The following ZEB1 variants were observed in gnomAD, a reference collection of about 807,000 sequenced individuals.
ZEB1 encodes the protein zinc finger E-box-binding homeobox 1.
ZEB1 carries 21 observed loss-of-function variants against 84.9 expected under a neutral mutation model. The observed-to-expected ratio is 0.25, with a 90% CI of 0.18 to 0.36. ZEB1 has a LOEUF of 0.36. ZEB1 is among the 10% of genes least tolerant of loss of function. The probability of loss-of-function intolerance (pLI) is 1.00; values close to 1 mark genes in which losing one functional copy is unlikely to be tolerated. For synonymous variants in ZEB1, 420 were observed against 471.1 expected, an observed-to-expected ratio of 0.89 and a Z score of 1.41; for missense variants, 1,104 against 1,330.2, an observed-to-expected ratio of 0.83 and a Z score of 2.65.
chr10:31,446,177 C>T (rs1046076443), intron 1 of ZEB1, among the ~76,000 whole-genome samples: 3 of 152,216 alleles, frequency 2.0e-5, no homozygotes, highest in African/African-American at 7.2e-5. Context: ...GTATCCATCT[C>T]TCCTAGATTT....
intron 2 of ZEB1, among the ~76,000 whole-genome samples, chr10:31,468,451 G>C (rs2062719134): frequency 6.6e-6 from 1 of 152,138 alleles, no homozygotes; most frequent in African/African-American, 2.4e-5. Context: ...TTACCTGCAG[G>C]CATCACCTGC....
chr10:31,331,172 C>T (rs565973664), intron 1 of ZEB1, among the ~76,000 whole-genome samples: 8 of 148,136 alleles, frequency 5.4e-5, no homozygotes, highest in Non-Finnish European at 8.9e-5. Flanking sequence ...CTGCAACCTC[C>T]GCCTCCTGGG....
intron 1 of ZEB1, among the ~76,000 whole-genome samples, chr10:31,354,506 C>G (rs1441639839): frequency 6.6e-6 from 1 of 152,042 alleles, no homozygotes; most frequent in East Asian, 1.9e-4. Flanking sequence ...ATTCTGAATT[C>G]CTTTGGGCCA....
chr10:31,458,592 T>C (rs1302644751), intron 1 of ZEB1, among the ~76,000 whole-genome samples: 1 of 152,064 alleles, frequency 6.6e-6, no homozygotes, highest in African/African-American at 2.4e-5. Flanking sequence ...TGTATTGATA[T>C]ACTGAATAGA....
intron 2 of ZEB1, among the ~76,000 whole-genome samples, chr10:31,492,105 C>G (rs1435661746): frequency 6.6e-6 from 1 of 151,844 alleles, no homozygotes; most frequent in East Asian, 1.9e-4. Context: ...TTTTAAAAAT[C>G]TGTGGAAGTT....
intron 1 of ZEB1, among the ~76,000 whole-genome samples, chr10:31,339,862 G>A (rs2039005697): frequency 6.6e-6 from 1 of 151,802 alleles, no homozygotes; most frequent in Non-Finnish European, 1.5e-5. Context: ...AGAGCTCTGG[G>A]TGATTATGAC....
chr10:31,337,050 AT>A (rs1299636307), intron 1 of ZEB1, among the ~76,000 whole-genome samples: 2 of 149,376 alleles, frequency 1.3e-5, no homozygotes, highest in Non-Finnish European at 2.9e-5. Flanking sequence ...AAACAAAAAA[AT>A]AAATAATAGG....
chr10:31,467,734 C>G (rs1425444007), intron 2 of ZEB1, among the ~76,000 whole-genome samples: 1 of 152,090 alleles, frequency 6.6e-6, no homozygotes, highest in Non-Finnish European at 1.5e-5. Context: ...GGGGAGGAAC[C>G]CCCACTGTCA....
chr10:31,342,192 TG>T, intron 1 of ZEB1, among the ~76,000 whole-genome samples: 1 of 152,300 alleles, frequency 6.6e-6, no homozygotes, highest in Middle Eastern at 3.4e-3. Flanking sequence ...CTCAAATACT[TG>T]TTGAATAAAT....
At position 31,521,571 on chromosome 10, in the gene ZEB1, T is replaced by A; in HGVS notation, c.2239T>A (p.Leu747Ile). ...TTCACTACCAAAGCAACAGGGAGAA[T>A]TATTAGAAAGGTCAACTATCACTAG... is the stretch of plus-strand genomic sequence containing the variant. Reference protein sequence around the residue: ...DLSLPKQQGELLERSTITSVY... With the variant: ...DLSLPKQQGEILERSTITSVY... Residue 747 changes from leucine (L) to isoleucine (I), a missense_variant, in exon 7 of 9, where the codon TTA (leucine) becomes ATA (isoleucine). Leu to Ile is a conservative substitution (Grantham distance 5, BLOSUM62 2). Around this residue, in one of 7 missense-constraint regions of ZEB1, gnomAD observed 531 missense variants for 575.2 expected, o/e 0.92. Transcript: ENST00000424869. 6.2e-7 allele frequency: 1 copy of A among 1,614,050 alleles called. No individual in the cohort carries two copies. The highest frequency in any genetic ancestry group is 1.1e-5 in the South Asian group (1 of 91,078).
intron 1 of ZEB1, 173 bp downstream of exon 1, chr10:31,319,465 C>G (rs1417647921): frequency 6.2e-5 from 40 of 648,124 alleles, no homozygotes; most frequent in Non-Finnish European, 6.4e-5. Flanking sequence ...CCGCCGCTGC[C>G]GGAGCCGCGC....
At chr10:31,495,256 A>G (rs1421668157) in intron 2 of ZEB1, among the ~76,000 whole-genome samples, 2 of 152,118 alleles carry the variant, frequency 1.3e-5, no homozygotes, top group South Asian at 2.1e-4. Flanking sequence ...TGCCTGGAAC[A>G]TAGAAATTTG....
chr10:31,354,907 G>A (rs546990052), intron 1 of ZEB1, among the ~76,000 whole-genome samples: 1 of 152,288 alleles, frequency 6.6e-6, no homozygotes, highest in South Asian at 2.1e-4. Context: ...GCATAGTTCT[G>A]TTGATGCTGA....
At chr10:31,452,226 A>G (rs1591435671) in intron 1 of ZEB1, among the ~76,000 whole-genome samples, 1 of 152,130 alleles carries the variant, frequency 6.6e-6, no homozygotes, top group African/African-American at 2.4e-5. Flanking sequence ...TAAAACCATT[A>G]TGATACCTAT....
chr10:31,513,853 A>G (rs1436115726), intron 5 of ZEB1, among the ~76,000 whole-genome samples: 1 of 152,162 alleles, frequency 6.6e-6, no homozygotes, highest in Non-Finnish European at 1.5e-5. Context: ...CTCAGGGACT[A>G]TAATCTTGGA....
At chr10:31,345,891 C>T (rs768354183) in intron 1 of ZEB1, among the ~76,000 whole-genome samples, 12 of 152,024 alleles carry the variant, frequency 7.9e-5, no homozygotes, top group Non-Finnish European at 1.5e-4. Context: ...GCCTTACCAC[C>T]TTTGAAAAAG....
intron 1 of ZEB1, among the ~76,000 whole-genome samples, chr10:31,418,510 T>A (rs1008756119): frequency 7.9e-5 from 12 of 152,240 alleles, no homozygotes; most frequent in Middle Eastern, 3.4e-3. Context: ...TTAAGAATTT[T>A]AAAATTTTAA....
At chr10:31,497,601 G>T (rs1473227842) in intron 3 of ZEB1, among the ~76,000 whole-genome samples, 3 of 152,106 alleles carry the variant, frequency 2.0e-5, no homozygotes, top group African/African-American at 7.2e-5. Flanking sequence ...ACTGTAAAAT[G>T]ATGTCCTGCC....
chr10:31,482,254 AATAATT>A (rs2065138613), intron 2 of ZEB1, among the ~76,000 whole-genome samples: 1 of 152,066 alleles, frequency 6.6e-6, no homozygotes, highest in African/African-American at 2.4e-5. Flanking sequence ...ACCTCAATCT[AATAATT>A]AGAAAACATC....
Sources: gnomAD v4.1 joint callset for allele counts (sites outside exome capture counted in the v4.1 genomes callset) on GRCh38, gnomAD v4.1.1 for gene constraint, gnomAD v4.1.1 regional missense constraint, MANE v1.5 for transcripts, NCBI Gene and HGNC (gene_info 2026-07-23, HGNC 2026-07-21) for gene names.